CDC42BPA: variants seen among roughly 807,000 people sequenced by gnomAD.
CDC42BPA encodes the protein serine/threonine-protein kinase MRCK alpha.
CDC42BPA carries 80 observed loss-of-function variants against 223.5 expected under a neutral mutation model. The observed-to-expected ratio is 0.36, with a 90% CI of 0.30 to 0.43. The LOEUF (loss-of-function observed/expected upper bound fraction) is 0.43, where lower values mean the gene tolerates loss of function less well. Among genes scored for constraint, CDC42BPA ranks in the 20% least tolerant of loss-of-function variants. The pLI is 1.00. For synonymous variants in CDC42BPA, 694 were observed against 718.6 expected, an observed-to-expected ratio of 0.97 and a Z score of 0.55; for missense variants, 1,743 against 2,099.9, an observed-to-expected ratio of 0.83 and a Z score of 3.32.
chr1:227,228,228 G>A (rs1391190599), intron 2 of CDC42BPA, among the ~76,000 whole-genome samples: 5 of 152,296 alleles, frequency 3.3e-5, no homozygotes, highest in African/African-American at 4.8e-5. Flanking sequence ...ATCATAGCAC[G>A]TTTACCTATG....
intron 2 of CDC42BPA, among the ~76,000 whole-genome samples, chr1:227,252,316 G>A (rs939192921): frequency 6.6e-6 from 1 of 152,118 alleles, no homozygotes; most frequent in East Asian, 1.9e-4. Flanking sequence ...TTAAAAATTA[G>A]ATGAAATGGA....
intron 35 of CDC42BPA, 27 bp downstream of exon 35, chr1:227,004,967 G>A (rs1572188682): frequency 2.0e-6 from 3 of 1,496,872 alleles, no homozygotes; most frequent in East Asian, 2.3e-5. Context: ...TGTCTCAGAG[G>A]CACCTTCCTG....
At chr1:227,204,053 G>A (rs1387001021) in intron 3 of CDC42BPA, among the ~76,000 whole-genome samples, 1 of 152,114 alleles carries the variant, frequency 6.6e-6, no homozygotes, top group South Asian at 2.1e-4. Context: ...TAGGAATAAA[G>A]ACTTCACTCT....
chr1:227,312,971 C>CG (rs754611556), intron 1 of CDC42BPA, among the ~76,000 whole-genome samples: 3 of 152,140 alleles, frequency 2.0e-5, no homozygotes, highest in Non-Finnish European at 4.4e-5. Flanking sequence ...TTGTAGCCTG[C>CG]GGAACTGTGA....
chr1:227,064,421 A>G (rs1676558466), intron 21 of CDC42BPA, among the ~76,000 whole-genome samples: 1 of 152,220 alleles, frequency 6.6e-6, no homozygotes, highest in African/African-American at 2.4e-5. Flanking sequence ...TCTCAAGCCA[A>G]GCTTTTTCAG....
intron 5 of CDC42BPA, among the ~76,000 whole-genome samples, chr1:227,166,738 A>G (rs1424071043): frequency 1.3e-5 from 2 of 152,174 alleles, no homozygotes; most frequent in Non-Finnish European, 2.9e-5. Flanking sequence ...ACACATTCCA[A>G]TTCCCATTAG....
intron 34 of CDC42BPA, among the ~76,000 whole-genome samples, chr1:227,013,632 A>G (rs1182211672): frequency 6.6e-6 from 1 of 152,110 alleles, no homozygotes; most frequent in Non-Finnish European, 1.5e-5. Context: ...GCGGGCTAGA[A>G]TAGAATGTCT....
In CDC42BPA at chr1:227,082,714, CAAAAAAAAAAAAAA is replaced by C. The variant is rs71574595; in HGVS notation, c.2356-1711_2356-1698del. On this transcript the variant is annotated intron_variant, in intron 16 of 36. Coordinates refer to ENST00000366766, the MANE Select transcript of CDC42BPA (RefSeq NM_001394014.1). ...TGGGTGACAGAATGAGACTCTGTCT[CAAAAAAAAAAAAAA>C]AAAAAAAAAAAAAGAATGTAGGTTG... Among the ~76,000 whole-genome samples the C allele has an allele frequency of 4.7e-4, 28 of 59,526 alleles. No individual in the cohort carries two copies. In the South Asian group the frequency reaches 6.1e-3, roughly 13 times the overall value. The allele number at this position is 59,526 out of a possible 152,430, so 39.1% of individuals were successfully genotyped here.
chr1:227,274,594 A>G (rs1686607570), intron 1 of CDC42BPA, among the ~76,000 whole-genome samples: 1 of 152,208 alleles, frequency 6.6e-6, no homozygotes, highest in African/African-American at 2.4e-5. Context: ...TGTATTTATA[A>G]TAAATCTAAA....
At chr1:227,110,314 A>G (rs529823672) in intron 14 of CDC42BPA, among the ~76,000 whole-genome samples, 37 of 152,334 alleles carry the variant, frequency 2.4e-4, no homozygotes, top group African/African-American at 8.9e-4. Flanking sequence ...CCTTTACTAC[A>G]TGCCAGGTTC....
At chr1:227,141,912 T>C (rs1659744479) in intron 9 of CDC42BPA, among the ~76,000 whole-genome samples, 1 of 152,162 alleles carries the variant, frequency 6.6e-6, no homozygotes, top group South Asian at 2.1e-4. Context: ...GAGGCTATAG[T>C]GAGCTAGGAC....
chr1:227,013,877 T>C (rs1665700661), intron 34 of CDC42BPA, among the ~76,000 whole-genome samples: 1 of 152,138 alleles, frequency 6.6e-6, no homozygotes. Context: ...TATTATGTAT[T>C]GAAAAAACTA....
chr1:227,216,225 T>C (rs1674818855), intron 2 of CDC42BPA, among the ~76,000 whole-genome samples: 1 of 152,188 alleles, frequency 6.6e-6, no homozygotes, highest in South Asian at 2.1e-4. Flanking sequence ...TACTTGCTTT[T>C]CTACATTTTC....
intron 4 of CDC42BPA, among the ~76,000 whole-genome samples, chr1:227,197,845 T>C (rs2063664): frequency 0.9 from 137,013 of 151,930 alleles, 62,229 homozygotes; most frequent in Middle Eastern, 0.96. Flanking sequence ...TTTTAATTTG[T>C]TCTTACAAAT....
chr1:227,150,438 C>T (rs1661521841), intron 6 of CDC42BPA, among the ~76,000 whole-genome samples: 1 of 152,006 alleles, frequency 6.6e-6, no homozygotes, highest in African/African-American at 2.4e-5. Flanking sequence ...TGAAGTTGTA[C>T]CTTCAAAGTG....
intron 4 of CDC42BPA, among the ~76,000 whole-genome samples, chr1:227,195,970 A>G (rs1670613081): frequency 6.6e-6 from 1 of 152,328 alleles, no homozygotes; most frequent in East Asian, 1.9e-4. Flanking sequence ...AAGAGGGAAC[A>G]CAATCAGCCA....
In CDC42BPA at chr1:227,139,568, A is replaced by G. The variant is rs1245200783; in HGVS notation, c.1390+8T>C. On this transcript the variant is annotated splice_region_variant and intron_variant, in intron 10 of 36. Transcript: ENST00000366766. ...CAAAAAGTGAAAATATATTTAAAAT[A>G]TATTTACCTTGAAGTTTTCTACTGA... 13 of 1,511,988 alleles carry G rather than the reference A, an allele frequency of 8.6e-6. No individual in the cohort carries two copies. The East Asian group carries it at 1.5e-4, about 17-fold the overall frequency. 93.7% of individuals were successfully genotyped at this position (1,511,988 alleles called of 1,614,324 possible).
chr1:227,300,325 A>G (rs530060874), intron 1 of CDC42BPA, among the ~76,000 whole-genome samples: 1 of 152,298 alleles, frequency 6.6e-6, no homozygotes, highest in African/African-American at 2.4e-5. Flanking sequence ...GTATCTACTC[A>G]AAGGAAAATA....
At chr1:227,305,923 G>A (rs1278115226) in intron 1 of CDC42BPA, among the ~76,000 whole-genome samples, 1 of 152,134 alleles carries the variant, frequency 6.6e-6, no homozygotes, top group African/African-American at 2.4e-5. Context: ...CCAAGATCGT[G>A]CCATTGCACT....
Sources: allele counts gnomAD v4.1 joint callset (sites outside exome capture counted in the v4.1 genomes callset), GRCh38; gene constraint gnomAD v4.1.1; transcripts MANE v1.5; gene names NCBI Gene and HGNC (gene_info 2026-07-23, HGNC 2026-07-21).